AP4S1: variants seen among roughly 807,000 people sequenced by gnomAD.
AP4S1 encodes AP-4 complex subunit sigma-1.
A neutral mutation model predicts 19.8 loss-of-function variants in AP4S1; 23 were observed. That is an observed-to-expected ratio of 1.16 (90% CI 0.84 to 1.65). AP4S1 has a LOEUF of 1.65. AP4S1 is among the 40% of genes most tolerant of loss of function. The pLI, the probability that AP4S1 is intolerant of heterozygous loss-of-function variation, is 0.00. For synonymous variants in AP4S1, 46 were observed against 54.1 expected (o/e 0.85, Z 0.66); for missense variants, 166 against 172.8 (o/e 0.96, Z 0.22).
chr14:31,061,539 A>G (rs1024303541), intron 1 of AP4S1, among the ~76,000 whole-genome samples: 1 of 152,208 alleles, frequency 6.6e-6, no homozygotes, highest in African/African-American at 2.4e-5. Context: ...CTAGCCCTGT[A>G]ATAGTCTCCC....
intron 5 of AP4S1, among the ~76,000 whole-genome samples, chr14:31,089,596 G>GTGTT (rs1369330329): frequency 6.6e-6 from 1 of 152,196 alleles, no homozygotes; most frequent in Non-Finnish European, 1.5e-5. Context: ...TGATGGAAAA[G>GTGTT]TGTTTTATTT....
rs1448001128 is a variant in AP4S1 at position 31,058,553 on chromosome 14, GTGTGTGTGTGTGTGTGTGTGTGTT to G, written c.-71-7571_-71-7548del. On this transcript the variant is annotated intron_variant, in intron 1 of 5. Transcript: ENST00000542754. The stretch of plus-strand genomic sequence containing the variant: ...TGTGTGTGTGTGTGTGTGTGTGTGT[GTGTGTGTGTGTGTGTGTGTGTGTT>G]TAGAGATAGGATCTTGCTCTGTTGC... 7.8e-5 allele frequency among the ~76,000 whole-genome samples: 5 copies of G among 63,926 alleles called. No individual in the cohort carries two copies. In the South Asian group the frequency reaches 1.2e-3, roughly 15 times the overall value. 41.9% of individuals were successfully genotyped at this position (63,926 alleles called of 152,430 possible).
At chr14:31,042,731 A>C (rs1366540424) in intron 1 of AP4S1, among the ~76,000 whole-genome samples, 4 of 152,190 alleles carry the variant, frequency 2.6e-5, no homozygotes, top group African/African-American at 7.2e-5. Flanking sequence ...ACTTCTTTGA[A>C]AATACAGTAT....
chr14:31,055,152 A>G (rs921240377), intron 1 of AP4S1, among the ~76,000 whole-genome samples: 17 of 151,184 alleles, frequency 1.1e-4, no homozygotes, highest in Non-Finnish European at 2.1e-4. Flanking sequence ...CATTTACATT[A>G]TATATATTTG....
intron 3 of AP4S1, 61 bp from the exon 4 acceptor site, chr14:31,072,844 A>G (rs1887088574): frequency 5.8e-6 from 8 of 1,376,102 alleles, no homozygotes; most frequent in Non-Finnish European, 7.3e-6. Context: ...GGGAAGTTCT[A>G]TGTCTGGTTT....
intron 1 of AP4S1, among the ~76,000 whole-genome samples, chr14:31,060,818 A>T (rs1886395441): frequency 6.6e-6 from 1 of 152,166 alleles, no homozygotes; most frequent in Admixed American, 6.6e-5. Context: ...GATGCATGGG[A>T]TGACACATGA....
upstream of AP4S1, chr14:31,025,269 A>C (rs1409833898): frequency 6.5e-6 from 1 of 153,468 alleles, no homozygotes; most frequent in African/African-American, 2.4e-5. Flanking sequence ...ATAACTACAG[A>C]GAATCCAAGT....
chr14:31,035,486 C>T (rs554406425), intron 1 of AP4S1, among the ~76,000 whole-genome samples: 2 of 151,954 alleles, frequency 1.3e-5, no homozygotes, highest in South Asian at 4.2e-4. Flanking sequence ...CAACCACGCC[C>T]AGCCAGTAAT....
intron 1 of AP4S1, among the ~76,000 whole-genome samples, chr14:31,060,401 A>G (rs987651766): frequency 6.6e-6 from 1 of 152,216 alleles, no homozygotes; most frequent in Admixed American, 6.5e-5. Flanking sequence ...GCTCAGTTGT[A>G]AAGTGAATAT....
intron 4 of AP4S1, among the ~76,000 whole-genome samples, chr14:31,080,002 A>G (rs1887556279): frequency 6.6e-6 from 1 of 152,312 alleles, no homozygotes; most frequent in Non-Finnish European, 1.5e-5. Flanking sequence ...CATACATAGG[A>G]TAATACTATG....
intron 4 of AP4S1, among the ~76,000 whole-genome samples, chr14:31,073,745 G>A (rs543575580): frequency 6.6e-6 from 1 of 151,328 alleles, no homozygotes; most frequent in East Asian, 2.0e-4. Flanking sequence ...TCTCCATGTT[G>A]GTCAGGCAGG....
intron 5 of AP4S1, among the ~76,000 whole-genome samples, chr14:31,090,473 C>T (rs1888048024): frequency 6.6e-6 from 1 of 152,182 alleles, no homozygotes; most frequent in Non-Finnish European, 1.5e-5. Flanking sequence ...GTCAGCTCAA[C>T]CTTAGGGAGC....
intron 1 of AP4S1, among the ~76,000 whole-genome samples, chr14:31,046,873 A>G (rs1337069254): frequency 6.6e-6 from 1 of 151,728 alleles, no homozygotes; most frequent in Non-Finnish European, 1.5e-5. Flanking sequence ...AAGAAGAAGT[A>G]GAATTGCTGG....
chr14:31,046,273 C>T (rs957141904), intron 1 of AP4S1, among the ~76,000 whole-genome samples: 4 of 151,776 alleles, frequency 2.6e-5, no homozygotes, highest in Non-Finnish European at 5.9e-5. Flanking sequence ...TTTTTTAAAT[C>T]CCCAAAACAA....
At chr14:31,083,658 C>G (rs955454072) in intron 5 of AP4S1, 1 of 408,520 alleles carries the variant, frequency 2.4e-6, no homozygotes, top group African/African-American at 2.1e-5. Context: ...GTACACAACA[C>G]CATGCCTGGC....
rs1336392874 is a variant in AP4S1, at chr14:31,095,996, G to GATCACTTGA, written c.*2963_*2971dup. The stretch of plus-strand genomic sequence containing the variant: ...ACTACTTGGGAGGCTGTGGTAGGAG[G>GATCACTTGA]ATCACTTGAACCCAGGAGACAGAGG... On this transcript the variant is annotated 3_prime_UTR_variant, in exon 6 of 6. Transcript: ENST00000542754. 1 of 148,138 alleles carries GATCACTTGA rather than the reference G, an allele frequency of 6.8e-6. No homozygotes were observed. The highest frequency in any genetic ancestry group is 2.5e-5 in the African/African-American group (1 of 39,942). 9.2% of individuals were successfully genotyped at this position (148,138 alleles called of 1,614,324 possible).
At chr14:31,073,445 C>T (rs28534627) in intron 4 of AP4S1, among the ~76,000 whole-genome samples, 2 of 138,170 alleles carry the variant, frequency 1.4e-5, no homozygotes, top group African/African-American at 2.6e-5. Flanking sequence ...AGCCGAGATC[C>T]CGCCACTGCA....
intron 1 of AP4S1, among the ~76,000 whole-genome samples, chr14:31,043,043 A>T (rs1043997158): frequency 1.4e-4 from 21 of 152,102 alleles, no homozygotes; most frequent in Non-Finnish European, 2.9e-4. Flanking sequence ...CGACATGGTG[A>T]AACCCTGTCT....
intron 4 of AP4S1, among the ~76,000 whole-genome samples, chr14:31,073,356 G>A (rs151317155): frequency 0.15 from 19,246 of 130,136 alleles, 2,257 homozygotes; most frequent in South Asian, 0.33. Flanking sequence ...TGGGCGTGGT[G>A]GTGGGCGCCT....
Sources: allele counts gnomAD v4.1 joint callset (sites outside exome capture counted in the v4.1 genomes callset), GRCh38; gene constraint gnomAD v4.1.1; transcripts MANE v1.5; gene names NCBI Gene and HGNC (gene_info 2026-07-23, HGNC 2026-07-21).